The following EYS variants were observed in gnomAD, a reference collection of about 807,000 sequenced individuals.
The protein encoded by EYS is EGF-like photoreceptor maintenance factor.
Under a neutral mutation model 282.1 loss-of-function variants are expected in EYS, and 250 were observed. That is an observed-to-expected ratio of 0.89 (90% CI 0.80 to 0.98). EYS has a LOEUF of 0.98. Ranked by LOEUF, EYS falls within the 50% of genes least tolerant of loss-of-function variation. EYS has a pLI of 0.00. For synonymous variants in EYS, 1,355 were observed against 1,282.9 expected (o/e 1.06, Z -1.20); for missense variants, 4,016 against 3,709.0 (o/e 1.08, Z -2.15).
At chr6:63,784,996 C>T (rs1440442126) in intron 39 of EYS, among the ~76,000 whole-genome samples, 1 of 152,116 alleles carries the variant, frequency 6.6e-6, no homozygotes, top group Non-Finnish European at 1.5e-5. Context: ...ATACATATTA[C>T]TGGGCCCCAT....
chr6:64,469,546 C>A (rs140592963), intron 26 of EYS, among the ~76,000 whole-genome samples: 1,887 of 152,202 alleles, frequency 0.012, 27 homozygotes, highest in African/African-American at 0.035. Flanking sequence ...GACAAGAGTG[C>A]GAGCCTTCTG....
At chr6:63,721,902 A>AC in intron 42 of EYS, 105 bp from the exon 43 acceptor site, 1 of 1,014,312 alleles carries the variant, frequency 9.9e-7, no homozygotes, top group Non-Finnish European at 1.4e-6. Flanking sequence ...ATGGGGAAAA[A>AC]AGTAACAGAT....
At chr6:65,491,935 C>T (rs897180407) in intron 4 of EYS, among the ~76,000 whole-genome samples, 11 of 152,120 alleles carry the variant, frequency 7.2e-5, no homozygotes, top group African/African-American at 2.7e-4. Context: ...AGAGAAATGA[C>T]AATGTAAAGA....
chr6:65,230,065 T>G (rs1044060418), intron 12 of EYS, among the ~76,000 whole-genome samples: 1 of 151,868 alleles, frequency 6.6e-6, no homozygotes, highest in Admixed American at 6.6e-5. Context: ...CAATGAACTA[T>G]GAAAAGTGAA....
At chr6:65,345,514 T>G (rs953506254) in intron 9 of EYS, among the ~76,000 whole-genome samples, 1 of 151,800 alleles carries the variant, frequency 6.6e-6, no homozygotes, top group Non-Finnish European at 1.5e-5. Flanking sequence ...AGTATGCTTT[T>G]GTGGGATGAT....
intron 26 of EYS, among the ~76,000 whole-genome samples, chr6:64,531,211 G>A (rs949619017): frequency 3.0e-4 from 45 of 152,178 alleles, no homozygotes; most frequent in Middle Eastern, 3.4e-3. Context: ...GATACAGAAA[G>A]TCCTAAAGGA....
chr6:65,016,198 T>A (rs1488021888), intron 13 of EYS, among the ~76,000 whole-genome samples: 1 of 151,582 alleles, frequency 6.6e-6, no homozygotes, highest in Non-Finnish European at 1.5e-5. Flanking sequence ...ACCTCGTTTC[T>A]ACTAAAAAAA....
rs1346512098 is a variant in EYS, at chr6:64,590,333, C to A, written c.5534G>T (p.Ser1845Ile). The A allele has an allele frequency of 1.3e-6, 2 of 1,551,096 alleles. No homozygotes were observed. The highest frequency in any genetic ancestry group is 1.7e-6 in the Non-Finnish European group (2 of 1,146,652). Residue 1845 changes from serine (S) to isoleucine (I), a missense_variant, in exon 26 of 43, where the codon AGT becomes ATT. Ser to Ile is a moderately radical substitution (Grantham distance 142). Coordinates refer to ENST00000503581, the MANE Select transcript of EYS (RefSeq NM_001142800.2). ...SEWSKWELQPSVQYQEFPTAS... is the reference protein window; with the variant it reads ...SEWSKWELQPIVQYQEFPTAS... ...AGTGGGAAATTCCTGATATTGCACACTAGGCTGAAGTTCCCATTTGGACCA... is the reference window on the plus strand; with the variant it reads ...AGTGGGAAATTCCTGATATTGCACAATAGGCTGAAGTTCCCATTTGGACCA...
chr6:63,755,172 C>T (rs139286734), intron 41 of EYS, among the ~76,000 whole-genome samples: 92 of 152,058 alleles, frequency 6.1e-4, no homozygotes, highest in African/African-American at 1.7e-3. Flanking sequence ...TTTCTTTTGC[C>T]GTGCAGAAAC....
chr6:63,801,128 G>A (rs1770773152), intron 37 of EYS, among the ~76,000 whole-genome samples: 1 of 152,146 alleles, frequency 6.6e-6, no homozygotes, highest in South Asian at 2.1e-4. Flanking sequence ...GAAATGTTTG[G>A]ACTTGTATGT....
At chr6:63,854,422 G>T (rs905362905) in intron 36 of EYS, among the ~76,000 whole-genome samples, 1 of 152,064 alleles carries the variant, frequency 6.6e-6, no homozygotes, top group Non-Finnish European at 1.5e-5. Flanking sequence ...ATGGACACAG[G>T]GAGGGGAACA....
intron 31 of EYS, among the ~76,000 whole-genome samples, chr6:64,135,645 T>C (rs922918480): frequency 6.2e-4 from 95 of 152,242 alleles, no homozygotes; most frequent in African/African-American, 2.3e-3. Flanking sequence ...TCCAGACCAC[T>C]ACAATAAGGT....
At chr6:65,519,699 TA>T (rs1767278041) in intron 2 of EYS, among the ~76,000 whole-genome samples, 2 of 45,272 alleles carry the variant, frequency 4.4e-5, no homozygotes, top group African/African-American at 2.6e-4. Flanking sequence ...TATATATATA[TA>T]TATATATATT....
At chr6:65,675,061 G>C (rs945698967) in intron 1 of EYS, among the ~76,000 whole-genome samples, 5 of 151,830 alleles carry the variant, frequency 3.3e-5, no homozygotes, top group Non-Finnish European at 5.9e-5. Context: ...ATAATTATAA[G>C]ACGTTTTATG....
chr6:64,121,662 T>G (rs1773593845), intron 31 of EYS, among the ~76,000 whole-genome samples: 1 of 152,234 alleles, frequency 6.6e-6, no homozygotes, highest in Non-Finnish European at 1.5e-5. Context: ...GTCTCCTATC[T>G]CTTAAAATCT....
chr6:63,946,455 A>G (rs1765399342), intron 35 of EYS, among the ~76,000 whole-genome samples: 1 of 152,182 alleles, frequency 6.6e-6, no homozygotes, highest in African/African-American at 2.4e-5. Flanking sequence ...AGATTTTTTT[A>G]GTAGAAAGTC....
chr6:64,072,578 T>C (rs1161878335), intron 32 of EYS, among the ~76,000 whole-genome samples: 3 of 151,842 alleles, frequency 2.0e-5, no homozygotes, highest in African/African-American at 7.3e-5. Context: ...GCACCAGCAC[T>C]TGTGTGTTTT....
chr6:64,281,763 T>C (rs1225444081), intron 30 of EYS, among the ~76,000 whole-genome samples: 3 of 152,116 alleles, frequency 2.0e-5, no homozygotes, highest in African/African-American at 7.2e-5. Flanking sequence ...ATATTAATTA[T>C]TGTGCATATA....
chr6:64,249,855 C>T (rs928312802), intron 30 of EYS, among the ~76,000 whole-genome samples: 9 of 152,146 alleles, frequency 5.9e-5, no homozygotes, highest in African/African-American at 2.4e-5. Context: ...CATCACATTG[C>T]CCAAACACAA....
Sources: allele counts gnomAD v4.1 joint callset (sites outside exome capture counted in the v4.1 genomes callset), GRCh38; gene constraint gnomAD v4.1.1; transcripts MANE v1.5; gene names NCBI Gene and HGNC (gene_info 2026-07-23, HGNC 2026-07-21).